Variants in SGMS2 observed in about 807,000 individuals in gnomAD.
SGMS2 encodes phosphatidylcholine:ceramide cholinephosphotransferase 2.
A neutral mutation model predicts 43.8 loss-of-function variants in SGMS2; 21 were observed. The ratio of observed to expected loss-of-function variants is 0.48; its 90% CI spans 0.34 to 0.69. SGMS2 has a LOEUF of 0.69. Among genes scored for constraint, SGMS2 ranks in the 30% least tolerant of loss-of-function variants. SGMS2 has a pLI of 0.01. For missense variants in SGMS2, 384 were observed against 443.2 expected (o/e 0.87, Z 1.20); for synonymous variants, 167 against 160.6 (o/e 1.04, Z -0.30).
chr4:107,866,256 A>G (rs1728106398), intron 2 of SGMS2, among the ~76,000 whole-genome samples: 2 of 152,148 alleles, frequency 1.3e-5, no homozygotes, highest in Admixed American at 6.6e-5. Flanking sequence ...AAGCTAAATA[A>G]AAATACCAAG....
chr4:107,888,137 C>A (rs1482849222), intron 2 of SGMS2, among the ~76,000 whole-genome samples: 1 of 152,084 alleles, frequency 6.6e-6, no homozygotes, highest in Non-Finnish European at 1.5e-5. Context: ...ATTTCTGGCC[C>A]AGTGTCTTAG....
rs185900453 is a variant in SGMS2 at position 107,898,582 on chromosome 4, G to C, written c.456-993G>C. Among the ~76,000 whole-genome samples the C allele has an allele frequency of 5.8e-4, 88 of 152,270 alleles. 1 individual carries two copies. The highest frequency in any genetic ancestry group is 1.9e-3 in the African/African-American group (79 of 41,566). ...AGCAAGTCTAGGGGCTTTATGTGGA[G>C]TCCCACTCATCTCTTAATCCCCAGA... On this transcript the variant is annotated intron_variant, in intron 3 of 6. Transcript: ENST00000690982.
rs201101875 is a variant in SGMS2 at position 107,825,620 on chromosome 4, C to CTTT, written c.-327+386_-327+388dup. 6.0e-3 allele frequency among the ~76,000 whole-genome samples: 694 copies of CTTT among 116,248 alleles called. 26 individuals carry two copies. The highest frequency in any genetic ancestry group is 0.023 in the African/African-American group (630 of 27,080). The allele number at this position is 116,248 out of a possible 152,430, so 76.3% of individuals were successfully genotyped here. A position where few individuals can be genotyped will look rare whatever the true frequency, so the allele number is the denominator to read the frequency against. ...TGTGTGTGGTTTTTCTTTTCTTTCTCTTTTTTTTTTTTTTTTTTTTTGAGA... is the reference window on the plus strand; with the variant it reads ...TGTGTGTGGTTTTTCTTTTCTTTCTCTTTTTTTTTTTTTTTTTTTTTTTTGAGA... On this transcript the variant is annotated intron_variant, in intron 1 of 6. Coordinates refer to ENST00000690982, the MANE Select transcript of SGMS2 (RefSeq NM_001375905.1).
At chr4:107,849,076 C>A (rs2126011611) in intron 1 of SGMS2, among the ~76,000 whole-genome samples, 1 of 152,186 alleles carries the variant, frequency 6.6e-6, no homozygotes, top group South Asian at 2.1e-4. Context: ...GTTGAGAAGA[C>A]TATCCTGAGA....
intron 1 of SGMS2, among the ~76,000 whole-genome samples, chr4:107,832,473 G>A (rs553423824): frequency 6.6e-5 from 10 of 152,270 alleles, no homozygotes; most frequent in Admixed American, 6.5e-5. Flanking sequence ...ACACAGGGGG[G>A]TTAAGTCACG....
chr4:107,847,848 C>T (rs553804091), intron 1 of SGMS2, among the ~76,000 whole-genome samples: 2 of 152,202 alleles, frequency 1.3e-5, no homozygotes, highest in East Asian at 3.9e-4. Flanking sequence ...ACTGAGTTCC[C>T]ATAAGCTATA....
chr4:107,840,641 C>T (rs1726447468), intron 1 of SGMS2, among the ~76,000 whole-genome samples: 1 of 152,142 alleles, frequency 6.6e-6, no homozygotes, highest in Non-Finnish European at 1.5e-5. Flanking sequence ...AAAATATTCA[C>T]ATTCTTTCCC....
intron 3 of SGMS2, among the ~76,000 whole-genome samples, chr4:107,898,251 G>C (rs1463099541): frequency 1.0e-5 from 1 of 99,928 alleles, no homozygotes; most frequent in East Asian, 3.5e-4. Context: ...AGTCTAGGTG[G>C]TGTTCCCTTC....
intron 2 of SGMS2, among the ~76,000 whole-genome samples, chr4:107,876,298 C>T (rs1378628885): frequency 6.6e-6 from 1 of 152,112 alleles, no homozygotes; most frequent in Non-Finnish European, 1.5e-5. Context: ...AGTAAACTTC[C>T]TGTTCTTAGG....
intron 4 of SGMS2, among the ~76,000 whole-genome samples, chr4:107,901,325 G>A (rs760210633): frequency 6.6e-6 from 1 of 152,172 alleles, no homozygotes; most frequent in Non-Finnish European, 1.5e-5. Flanking sequence ...TACAGAACAG[G>A]CATCAGAGTT....
intron 2 of SGMS2, among the ~76,000 whole-genome samples, chr4:107,869,224 T>A (rs183139416): frequency 9.1e-4 from 139 of 152,242 alleles, no homozygotes; most frequent in African/African-American, 3.3e-3. Flanking sequence ...CTAGGTCCAG[T>A]AGCACATACC....
chr4:107,882,766 A>C (rs1264480510), intron 2 of SGMS2, among the ~76,000 whole-genome samples: 1 of 152,134 alleles, frequency 6.6e-6, no homozygotes, highest in East Asian at 1.9e-4. Context: ...TTAAGGTCTA[A>C]GAAAGCTCTT....
chr4:107,840,621 C>A (rs1726446042), intron 1 of SGMS2, among the ~76,000 whole-genome samples: 1 of 152,258 alleles, frequency 6.6e-6, no homozygotes, highest in Middle Eastern at 3.4e-3. Flanking sequence ...GATATGCAAT[C>A]TTGCATTTAA....
chr4:107,889,218 C>T (rs1730005764), intron 2 of SGMS2, among the ~76,000 whole-genome samples: 1 of 152,108 alleles, frequency 6.6e-6, no homozygotes, highest in African/African-American at 2.4e-5. Context: ...TTTATTAAAC[C>T]AATATCAATG....
At chr4:107,831,396 A>T (rs913633690) in intron 1 of SGMS2, among the ~76,000 whole-genome samples, 1 of 152,166 alleles carries the variant, frequency 6.6e-6, no homozygotes, top group Non-Finnish European at 1.5e-5. Flanking sequence ...TCATCACTAG[A>T]TACCCTGGAG....
At chr4:107,866,863 T>C (rs1728169725) in intron 2 of SGMS2, 1 of 152,174 alleles carries the variant, frequency 6.6e-6, no homozygotes, top group South Asian at 2.1e-4. Flanking sequence ...AAAGTAATGG[T>C]GTTACACTGA....
chr4:107,835,271 G>T (rs1258108371), intron 1 of SGMS2, among the ~76,000 whole-genome samples: 1 of 152,088 alleles, frequency 6.6e-6, no homozygotes, highest in Non-Finnish European at 1.5e-5. Context: ...CTAGGGGGAA[G>T]AGATTGTCTT....
chr4:107,904,002 T>G (rs1731348226), intron 5 of SGMS2, among the ~76,000 whole-genome samples: 1 of 152,218 alleles, frequency 6.6e-6, no homozygotes, highest in Admixed American at 6.5e-5. Context: ...TATATTTGTA[T>G]GCTTAGTTCA....
chr4:107,866,276 A>T (rs1190708419), intron 2 of SGMS2, among the ~76,000 whole-genome samples: 1 of 152,160 alleles, frequency 6.6e-6, no homozygotes, highest in Non-Finnish European at 1.5e-5. Flanking sequence ...GTTAAAAAAA[A>T]ACTCTTGGCT....
Sources: allele counts gnomAD v4.1 joint callset (sites outside exome capture counted in the v4.1 genomes callset), GRCh38; gene constraint gnomAD v4.1.1; transcripts MANE v1.5; gene names NCBI Gene and HGNC (gene_info 2026-07-23, HGNC 2026-07-21).